The following LMNB1 variants were observed in gnomAD, a reference collection of about 807,000 sequenced individuals.
LMNB1 encodes lamin B1.
In LMNB1, 23 loss-of-function variants were observed where a neutral mutation model predicts 67.1. The observed-to-expected ratio is 0.34, with a 90% CI of 0.25 to 0.49. The LOEUF is 0.49. Among genes scored for constraint, LMNB1 ranks in the 20% least tolerant of loss-of-function variants. LMNB1 has a pLI of 0.99. For synonymous variants in LMNB1, 281 were observed against 282.9 expected, an observed-to-expected ratio of 0.99 and a Z score of 0.07; for missense variants, 634 against 746.5, an observed-to-expected ratio of 0.85 and a Z score of 1.76.
chr5:126,805,617 C>G lies in LMNB1; in HGVS notation c.563C>G (p.Thr188Ser), dbSNP rs1751395955. Residue 188 changes from threonine (T) to serine (S), a missense_variant, in exon 3 of 11, where the codon ACT becomes AGT. By Grantham distance (58) the Thr-to-Ser change is moderately conservative (BLOSUM62 1). Transcript: ENST00000261366. The stretch of plus-strand genomic sequence containing the variant: ...GCCAAAAAACAGTTAGCAGATGAAA[C>G]TTTACTTAAAGTAGATTTGGAGAAT... Reference protein sequence around the residue: ...AAAKKQLADETLLKVDLENRC... With the variant: ...AAAKKQLADESLLKVDLENRC... The G allele has an allele frequency of 6.2e-7, 1 of 1,611,334 alleles. No individual in the cohort carries two copies. The highest frequency in any genetic ancestry group is 1.3e-5 in the African/African-American group (1 of 74,832).
intron 5 of LMNB1, 49 bp downstream of exon 5, chr5:126,811,947 C>T (rs778585458): frequency 6.4e-7 from 1 of 1,569,830 alleles, no homozygotes; most frequent in East Asian, 2.3e-5. Context: ...GCTACCTTCA[C>T]CACGGGCACC....
chr5:126,831,356 C>CA (rs1258592551), intron 9 of LMNB1, among the ~76,000 whole-genome samples: 1 of 152,210 alleles, frequency 6.6e-6, no homozygotes, highest in Non-Finnish European at 1.5e-5. Flanking sequence ...TGTGCTTAAG[C>CA]AAAAACACTG....
In LMNB1 at chr5:126,811,848, C is replaced by A; in HGVS notation, c.889C>A (p.Arg297Ser). 6.2e-7 allele frequency: 1 copy of A among 1,612,412 alleles called. No individual in the cohort carries two copies. Among genetic ancestry groups the A allele is most frequent in the Non-Finnish European group, 8.5e-7 (1 of 1,178,598 alleles). The change falls in exon 5 of 11, where the codon CGC (arginine) becomes AGC (serine). Residue 297 changes from arginine (R) to serine (S), a missense_variant. Physicochemically the swap from Arg to Ser is moderately radical, Grantham distance 110. Transcript: ENST00000261366. The stretch of plus-strand genomic sequence containing the variant: ...TGCCAGGGAAGAACTGATGGAAAGC[C>A]GCATGAGAATTGAGAGCCTTTCATC... ...NSAREELMES[R>S]MRIESLSSQL...
rs1580544570 is a variant in LMNB1 at position 126,811,876 on chromosome 5, A to G, written c.917A>G (p.Gln306Arg). ...SRMRIESLSS[Q>R]LSNLQKESRA... Reference sequence around the variant, plus strand: ...ATGAGAATTGAGAGCCTTTCATCCCAGCTTTCTAATCTACAGAAAGAGGTA... The same window carrying G: ...ATGAGAATTGAGAGCCTTTCATCCCGGCTTTCTAATCTACAGAAAGAGGTA... The change falls in exon 5 of 11, where the codon CAG becomes CGG. Residue 306 changes from glutamine to arginine, a missense_variant. Transcript: ENST00000261366. 6.2e-7 allele frequency: 1 copy of G among 1,612,666 alleles called. No homozygotes were observed. Among genetic ancestry groups the G allele is most frequent in the Non-Finnish European group, 8.5e-7 (1 of 1,178,900 alleles).
At chr5:126,813,825 G>A (rs1580546176) in intron 5 of LMNB1, among the ~76,000 whole-genome samples, 1 of 152,132 alleles carries the variant, frequency 6.6e-6, no homozygotes, top group South Asian at 2.1e-4. Flanking sequence ...TCACCTTGAG[G>A]GTTAGGATTT....
intron 3 of LMNB1, among the ~76,000 whole-genome samples, chr5:126,807,872 T>C (rs576036927): frequency 2.6e-5 from 4 of 152,260 alleles, no homozygotes; most frequent in African/African-American, 9.6e-5. Flanking sequence ...TTGTTTTTGT[T>C]TTTTTTAACT....
intron 1 of LMNB1, among the ~76,000 whole-genome samples, chr5:126,799,020 CTTT>C (rs201572633): frequency 3.0e-5 from 4 of 134,942 alleles, no homozygotes; most frequent in African/African-American, 8.2e-5. Context: ...GATGCATTGA[CTTT>C]TTTTTTTTTT....
intron 1 of LMNB1, among the ~76,000 whole-genome samples, chr5:126,803,868 G>T (rs1751349568): frequency 6.6e-6 from 1 of 152,108 alleles, no homozygotes; most frequent in African/African-American, 2.4e-5. Context: ...TCAGTTTTTT[G>T]GTAGTTGGTT....
At chr5:126,818,817 C>T in intron 5 of LMNB1, 105 bp from the exon 6 acceptor site, 4 of 790,176 alleles carry the variant, frequency 5.1e-6, no homozygotes, top group African/African-American at 1.7e-5. Context: ...TTAGAGATTC[C>T]ATAGGGTTGT....
At chr5:126,778,233 G>C (rs1394468318) in intron 1 of LMNB1, among the ~76,000 whole-genome samples, 1 of 152,036 alleles carries the variant, frequency 6.6e-6, no homozygotes, top group East Asian at 1.9e-4. Context: ...CGGGGAGCTG[G>C]AGCGCGAGCG....
intron 1 of LMNB1, among the ~76,000 whole-genome samples, chr5:126,781,360 A>C (rs924358380): frequency 6.6e-6 from 1 of 152,224 alleles, no homozygotes; most frequent in African/African-American, 2.4e-5. Context: ...AAACTTTCTG[A>C]GTCCTGTATG....
Position 126,803,394 on chromosome 5 carries a change from C to T in LMNB1, c.360-1382C>T, listed in dbSNP as rs1484459408. ...CTGAGTAGCTGGGATTACAGGCATG[C>T]GCCTCCATGCCTGGATAATTTTTTT... On this transcript the variant is annotated intron_variant, in intron 1 of 10. Coordinates refer to ENST00000261366, the MANE Select transcript of LMNB1 (RefSeq NM_005573.4). Among the ~76,000 whole-genome samples the T allele has an allele frequency of 3.4e-5, 5 of 148,898 alleles. No individual in the cohort carries two copies. In the South Asian group the frequency reaches 6.4e-4, roughly 19 times the overall value.
intron 7 of LMNB1, among the ~76,000 whole-genome samples, chr5:126,821,468 A>G (rs148430639): frequency 1.8e-4 from 28 of 152,274 alleles, no homozygotes; most frequent in African/African-American, 6.7e-4. Flanking sequence ...AGTTGGAGCA[A>G]TTGGATGAAA....
chr5:126,804,791 A>G lies in LMNB1; in HGVS notation c.375A>G (p.Glu125=), dbSNP rs1478298884. The G allele has an allele frequency of 6.2e-7, 1 of 1,614,062 alleles. No individual in the cohort carries two copies. The highest frequency in any genetic ancestry group is 8.5e-7 in the Non-Finnish European group (1 of 1,179,974). ...DQLLLNYAKK[E]SDLNGAQIKL... ...TCTGTTCCAGCTATGCTAAGAAGGA[A>G]TCTGATCTTAATGGCGCCCAGATCA... The change falls in exon 2 of 11, where the codon GAA becomes GAG. Residue 125 remains glutamate (E), a synonymous_variant. Transcript: ENST00000261366.
intron 1 of LMNB1, among the ~76,000 whole-genome samples, chr5:126,787,546 A>ATATT: frequency 3.1e-5 from 2 of 65,564 alleles, no homozygotes; most frequent in Non-Finnish European, 5.5e-5. Context: ...ATATATATAT[A>ATATT]TTTTTTTTTT....
At position 126,785,523 on chromosome 5, in the gene LMNB1, G is replaced by A. The variant is rs1750758654; in HGVS notation, c.359+7656G>A. ...TTTAGTAGAGACGAGGTTTCACCAG[G>A]TTGCCCAGGCTTGTCTTGAACTCCT... On this transcript the variant is annotated intron_variant, in intron 1 of 10. Transcript: ENST00000261366. Among the ~76,000 whole-genome samples, 11 of 142,406 alleles carry A rather than the reference G, an allele frequency of 7.7e-5. No individual in the cohort carries two copies. In the South Asian group the frequency reaches 2.4e-3, roughly 32 times the overall value. 93.4% of individuals were successfully genotyped at this position (142,406 alleles called of 152,430 possible). A position where few individuals can be genotyped will look rare whatever the true frequency, so the allele number is the denominator to read the frequency against.
rs1215749908 is a variant in LMNB1 at position 126,808,884 on chromosome 5, T to C, written c.643-1296T>C. 3.3e-5 allele frequency among the ~76,000 whole-genome samples: 5 copies of C among 152,180 alleles called. No homozygotes were observed. The East Asian group carries it at 9.7e-4, about 29-fold the overall frequency. ...GATATTACCATTCTAATTATTATTT[T>C]TTTTTTTTTGAGACGGAGTCCAGCT... On this transcript the variant is annotated intron_variant, in intron 3 of 10. Coordinates refer to ENST00000261366, the MANE Select transcript of LMNB1 (RefSeq NM_005573.4).
intron 1 of LMNB1, among the ~76,000 whole-genome samples, chr5:126,797,956 CAT>C (rs1320276126): frequency 2.0e-5 from 3 of 152,100 alleles, no homozygotes; most frequent in African/African-American, 7.2e-5. Flanking sequence ...CGTAGTGGCA[CAT>C]GTGTATACTC....
At chr5:126,795,933 C>CATTTTTTTTTTT (rs751492782) in intron 1 of LMNB1, among the ~76,000 whole-genome samples, 1 of 82,084 alleles carries the variant, frequency 1.2e-5, no homozygotes, top group Non-Finnish European at 2.3e-5. Context: ...GCCCAGGATG[C>CATTTTTTTTTTT]TTTTTTTTTT....
Sources: gnomAD v4.1 joint callset for allele counts (sites outside exome capture counted in the v4.1 genomes callset) on GRCh38, gnomAD v4.1.1 for gene constraint, MANE v1.5 for transcripts, NCBI Gene and HGNC (gene_info 2026-07-23, HGNC 2026-07-21) for gene names.